The following REXO4 variants were observed in gnomAD, a reference collection of about 807,000 sequenced individuals.
REXO4 encodes the protein REX4 homolog, 3'-5' exonuclease.
In REXO4, 29 loss-of-function variants were observed where a neutral mutation model predicts 39.9. That is an observed-to-expected ratio of 0.73 (90% CI 0.54 to 0.99). REXO4 has a LOEUF of 0.99. Among genes scored for constraint, REXO4 ranks in the 50% least tolerant of loss-of-function variants. The pLI is 0.00. For synonymous variants in REXO4, 184 were observed against 206.2 expected, an observed-to-expected ratio of 0.89 and a Z score of 0.92; for missense variants, 524 against 546.5, an observed-to-expected ratio of 0.96 and a Z score of 0.41.
intron 5 of REXO4, among the ~76,000 whole-genome samples, chr9:133,409,048 CT>C (rs1002889483): frequency 2.6e-5 from 4 of 151,418 alleles, no homozygotes; most frequent in African/African-American, 9.7e-5. Flanking sequence ...TGACTGCAAC[CT>C]CCGACCCCAG....
At chr9:133,413,506 G>A (rs1839360407) in intron 2 of REXO4, among the ~76,000 whole-genome samples, 1 of 152,136 alleles carries the variant, frequency 6.6e-6, no homozygotes. Flanking sequence ...CACCACCCAA[G>A]TGTAATGAGT....
intron 5 of REXO4, 90 bp downstream of exon 5, chr9:133,410,895 A>AC: frequency 1.1e-6 from 1 of 920,594 alleles, no homozygotes; most frequent in Non-Finnish European, 1.8e-6. Context: ...ACAAACCCAC[A>AC]CATTGTTAAA....
At chr9:133,407,333 A>C (rs1464957958) in intron 7 of REXO4, among the ~76,000 whole-genome samples, 1 of 152,184 alleles carries the variant, frequency 6.6e-6, no homozygotes, top group Non-Finnish European at 1.5e-5. Context: ...GAGAAGCAAC[A>C]AACACGCTGC....
Position 133,407,846 on chromosome 9 carries a change from C to G in REXO4, c.1110G>C (p.Lys370Asn), listed in dbSNP as rs370998485. ...GRPSLRLLSEKILGLQVQQAE... is the reference protein window; with the variant it reads ...GRPSLRLLSENILGLQVQQAE... The stretch of plus-strand genomic sequence containing the variant: ...CCTGCTGGACCTGGAGCCCAAGGAT[C>G]TTCTCTGAAAGTAGTCTCAGAGACG... Residue 370 changes from lysine (K) to asparagine (N), a missense_variant, in exon 7 of 8, where the codon AAG (lysine) becomes AAC (asparagine). Coordinates refer to ENST00000371942, the MANE Select transcript of REXO4 (RefSeq NM_020385.4). 2 of 1,613,972 alleles carry G rather than the reference C, an allele frequency of 1.2e-6. No individual in the cohort carries two copies. The highest frequency in any genetic ancestry group is 1.7e-6 in the Non-Finnish European group (2 of 1,179,986).
rs1554781211 is a variant in REXO4, at chr9:133,414,854, C to G, written c.383G>C (p.Ser128Thr). Residue 128 changes from serine (S) to threonine (T), a missense_variant, in exon 2 of 8, where the codon AGC becomes ACC. Transcript: ENST00000371942. Reference protein sequence around the residue: ...EMPAGKDQEASRGSVPSGSKM... With the variant: ...EMPAGKDQEATRGSVPSGSKM... ...GGAACCTGAAGGAACAGAGCCCCTG[C>G]TGGCCTCCTGGTCTTTTCCTGCCGG... The G allele has an allele frequency of 6.2e-7, 1 of 1,614,180 alleles. No individual in the cohort carries two copies. Among genetic ancestry groups the G allele is most frequent in the South Asian group, 1.1e-5 (1 of 91,086 alleles).
rs782784264 is a variant in REXO4 at position 133,406,743 on chromosome 9, C to T, written c.*210G>A. ...GTCCCTGCTCCCCACCCTGACCATC[C>T]GGGCCCAAACACACATGGACAGTAA... is the stretch of plus-strand genomic sequence containing the variant. On this transcript the variant is annotated 3_prime_UTR_variant, in exon 8 of 8. Transcript: ENST00000371942. The T allele has an allele frequency of 1.9e-4, 134 of 701,766 alleles. No homozygotes were observed. The highest frequency in any genetic ancestry group is 2.9e-4 in the Non-Finnish European group (125 of 434,996). The allele number at this position is 701,766 out of a possible 1,614,324, so 43.5% of individuals were successfully genotyped here. A position where few individuals can be genotyped will look rare whatever the true frequency, so the allele number is the denominator to read the frequency against.
chr9:133,417,956 G>T lies in REXO4; in HGVS notation c.-112C>A. 2 of 976,032 alleles carry T rather than the reference G, an allele frequency of 2.0e-6. No homozygotes were observed. The highest frequency in any genetic ancestry group is 1.5e-6 in the Non-Finnish European group (1 of 673,878). 60.5% of individuals were successfully genotyped at this position (976,032 alleles called of 1,614,324 possible). On this transcript the variant is annotated 5_prime_UTR_variant, in exon 1 of 8. Coordinates refer to ENST00000371942, the MANE Select transcript of REXO4 (RefSeq NM_020385.4). The stretch of plus-strand genomic sequence containing the variant: ...CAGGCCAGGCCGAAACACACCCACC[G>T]CAGGGACCCCGTCCAGGAAAAGACT...
intron 5 of REXO4, among the ~76,000 whole-genome samples, chr9:133,409,904 A>G (rs587640598): frequency 6.6e-6 from 1 of 152,280 alleles, no homozygotes; most frequent in East Asian, 1.9e-4. Context: ...TGTGCTGCGC[A>G]AGGTGCCAGG....
intron 3 of REXO4, 87 bp downstream of exon 3, chr9:133,412,691 G>C: frequency 2.6e-6 from 4 of 1,540,054 alleles, no homozygotes; most frequent in Non-Finnish European, 3.5e-6. Flanking sequence ...TCACCTCAGG[G>C]AGAGGAAAGC....
At chr9:133,417,298 T>G (rs1554781839) in intron 1 of REXO4, among the ~76,000 whole-genome samples, 1 of 152,250 alleles carries the variant, frequency 6.6e-6, no homozygotes, top group African/African-American at 2.4e-5. Flanking sequence ...ATCACAGGCG[T>G]GAGGCCCCGC....
chr9:133,410,615 T>C (rs1056607702), intron 5 of REXO4, among the ~76,000 whole-genome samples: 2 of 152,252 alleles, frequency 1.3e-5, no homozygotes, highest in African/African-American at 2.4e-5. Flanking sequence ...AACCTGAACA[T>C]GGGCCACAGG....
At chr9:133,408,938 G>GTGTGTGTGTGTGTC in intron 5 of REXO4, 96 bp from the exon 6 acceptor site, 1 of 188,744 alleles carries the variant, frequency 5.3e-6, no homozygotes, top group African/African-American at 6.3e-5. Flanking sequence ...ACATCTTTGT[G>GTGTGTGTGTGTGTC]TGTGTGTGTG....
rs1256672011 is a variant in REXO4, at chr9:133,417,738, C to T, written c.107G>A (p.Arg36Lys). 5 of 1,614,034 alleles carry T rather than the reference C, an allele frequency of 3.1e-6. No homozygotes were observed. The highest frequency in any genetic ancestry group is 3.3e-5 in the Admixed American group (2 of 60,028). Residue 36 changes from arginine to lysine, a missense_variant, in exon 1 of 8, where the codon AGG becomes AAG. Transcript: ENST00000371942. ...TTCCCGCGCCTTGCTTTTCCAAAAC[C>T]TTTTTTTCTTCTTGTTTTTCTTCCG... ...LTRKKNKKKK[R>K]FWKSKAREVS...
At position 133,417,848 on chromosome 9, in the gene REXO4, G is replaced by GCTGC. The variant is rs1229308675; in HGVS notation, c.-8_-5dup. On this transcript the variant is annotated 5_prime_UTR_variant, in exon 1 of 8. Transcript: ENST00000371942. Reference sequence around the variant, plus strand: ...CGGGGACCTTCGCCTTCCCCATCCTGCTGCCGTCCAGCGCCTGGGCCGGCG... The same window carrying GCTGC: ...CGGGGACCTTCGCCTTCCCCATCCTGCTGCCTGCCGTCCAGCGCCTGGGCCGGCG... The GCTGC allele has an allele frequency of 6.3e-7, 1 of 1,597,864 alleles. No individual in the cohort carries two copies. Among genetic ancestry groups the GCTGC allele is most frequent in the African/African-American group, 1.3e-5 (1 of 74,790 alleles).
At position 133,406,970 on chromosome 9, in the gene REXO4, A is replaced by C. The variant is rs782178663; in HGVS notation, c.1252T>G (p.Cys418Gly). ...RRPLLTAPDH[C>G]SDDA ...CAGGACTGCTAGGCGTCGTCACTGC[A>C]GTGGTCTGGAGCAGTCAGCAGGGGG... Residue 418 changes from cysteine (C) to glycine (G), a missense_variant, in exon 8 of 8, where the codon TGC becomes GGC. Coordinates refer to ENST00000371942, the MANE Select transcript of REXO4 (RefSeq NM_020385.4). 8.7e-6 allele frequency: 14 copies of C among 1,611,804 alleles called. No homozygotes were observed. The African/African-American group carries it at 1.6e-4, about 18-fold the overall frequency.
chr9:133,407,646 C>T (rs73660486), intron 7 of REXO4, among the ~76,000 whole-genome samples, 161 bp downstream of exon 7: 135 of 151,628 alleles, frequency 8.9e-4, no homozygotes, highest in African/African-American at 3.2e-3. Flanking sequence ...ACCAAAATTC[C>T]GTAACTCCGC....
chr9:133,417,869 C>G lies in REXO4; in HGVS notation c.-25G>C, dbSNP rs1564401248. 1 of 1,592,250 alleles carries G rather than the reference C, an allele frequency of 6.3e-7. No individual in the cohort carries two copies. Among genetic ancestry groups the G allele is most frequent in the Admixed American group, 1.7e-5 (1 of 59,530 alleles). ...TCCTGCTGCCGTCCAGCGCCTGGGC[C>G]GGCGGCCACCCGAGACCCCGGCCTC... On this transcript the variant is annotated 5_prime_UTR_variant, in exon 1 of 8. Transcript: ENST00000371942.
At position 133,414,723 on chromosome 9, in the gene REXO4, C is replaced by T. The variant is rs1554781130; in HGVS notation, c.514G>A (p.Gly172Arg). ...TTCCGCTTCTTATGCTCGATGTCCC[C>T]TCGTTCTGGAACAATATCACCATTT... ...RTNGDIVPER[G>R]DIEHKKRKAK... The change falls in exon 2 of 8, where the codon GGG becomes AGG. Residue 172 changes from glycine (G) to arginine (R), a missense_variant. Transcript: ENST00000371942. 8.7e-6 allele frequency: 14 copies of T among 1,614,152 alleles called. No individual in the cohort carries two copies. Among genetic ancestry groups the T allele is most frequent in the Non-Finnish European group, 1.1e-5 (13 of 1,180,008 alleles).
At chr9:133,408,873 T>C in intron 5 of REXO4, 31 bp from the exon 6 acceptor site, 1 of 1,479,884 alleles carries the variant, frequency 6.8e-7, no homozygotes, top group East Asian at 2.3e-5. Flanking sequence ...GATAATCATT[T>C]TCATTTTTGG....
Sources: gnomAD v4.1 joint callset for allele counts (sites outside exome capture counted in the v4.1 genomes callset) on GRCh38, gnomAD v4.1.1 for gene constraint, MANE v1.5 for transcripts, NCBI Gene and HGNC (gene_info 2026-07-23, HGNC 2026-07-21) for gene names.